ZDHHC18: variants seen among roughly 807,000 people sequenced by gnomAD.
The protein encoded by ZDHHC18 is zDHHC palmitoyltransferase 18.
In ZDHHC18, 23 loss-of-function variants were observed where a neutral mutation model predicts 37.5. The ratio of observed to expected loss-of-function variants is 0.61; its 90% CI spans 0.44 to 0.87. ZDHHC18 has a LOEUF of 0.87. Among genes scored for constraint, ZDHHC18 ranks in the 40% least tolerant of loss-of-function variants. The pLI is 0.00. For missense variants in ZDHHC18, 406 were observed against 525.6 expected (o/e 0.77, Z 2.22); for synonymous variants, 185 against 218.7 (o/e 0.85, Z 1.36).
chr1:26,846,679 C>T (rs2081667713), intron 2 of ZDHHC18, among the ~76,000 whole-genome samples: 1 of 151,906 alleles, frequency 6.6e-6, no homozygotes, highest in Non-Finnish European at 1.5e-5. Flanking sequence ...GATTATAGTA[C>T]AACTAATTCC....
intron 2 of ZDHHC18, among the ~76,000 whole-genome samples, chr1:26,846,874 T>C (rs1472582027): frequency 4.6e-5 from 7 of 151,910 alleles, no homozygotes; most frequent in African/African-American, 1.7e-4. Flanking sequence ...TCCATTATCA[T>C]ACCTAAGAAA....
chr1:26,837,342 A>G (rs906676021), intron 2 of ZDHHC18, among the ~76,000 whole-genome samples: 8 of 147,464 alleles, frequency 5.4e-5, no homozygotes, highest in African/African-American at 2.0e-4. Flanking sequence ...TGTATAATAT[A>G]TTTAACATAT....
intron 5 of ZDHHC18, 68 bp from the exon 6 acceptor site, chr1:26,851,061 T>C: frequency 1.4e-6 from 2 of 1,426,108 alleles, no homozygotes; most frequent in Non-Finnish European, 2.0e-6. Context: ...GAAGGATAGG[T>C]GAGACAGGCC....
chr1:26,852,120 C>T (rs2081707835), intron 6 of ZDHHC18, among the ~76,000 whole-genome samples: 2 of 152,226 alleles, frequency 1.3e-5, no homozygotes, highest in Admixed American at 6.5e-5. Context: ...TGCCATCAGC[C>T]AGTATCTCCC....
intron 2 of ZDHHC18, among the ~76,000 whole-genome samples, chr1:26,842,436 T>C (rs1178663691): frequency 1.3e-5 from 2 of 152,242 alleles, no homozygotes; most frequent in African/African-American, 4.8e-5. Context: ...GCTTATATGA[T>C]TTTTTAGCAA....
rs368853407 is a variant in ZDHHC18 at position 26,839,008 on chromosome 1, C to T, written c.496+6401C>T. 9.8e-5 allele frequency among the ~76,000 whole-genome samples: 15 copies of T among 152,372 alleles called. No homozygotes were observed. The East Asian group carries it at 1.3e-3, about 14-fold the overall frequency. ...TCTGCAGGTGACAACAGTGGAAGGG[C>T]AGAGGGCAGTCAGGGCCTTCTCAGC... On this transcript the variant is annotated intron_variant, in intron 2 of 7. Transcript: ENST00000374142.
intron 6 of ZDHHC18, among the ~76,000 whole-genome samples, chr1:26,852,204 A>C (rs1404099158): frequency 6.6e-6 from 1 of 152,208 alleles, no homozygotes; most frequent in Non-Finnish European, 1.5e-5. Context: ...TGGCCAAATA[A>C]GTGTAGAAAA....
At chr1:26,847,494 G>C in intron 2 of ZDHHC18, among the ~76,000 whole-genome samples, 1 of 152,210 alleles carries the variant, frequency 6.6e-6, no homozygotes, top group East Asian at 1.9e-4. Flanking sequence ...CTACAGGCAT[G>C]AGCCACTGCA....
At chr1:26,848,549 G>C (rs2081684679) in intron 2 of ZDHHC18, 59 bp from the exon 3 acceptor site, 2 of 1,578,106 alleles carry the variant, frequency 1.3e-6, no homozygotes, top group Admixed American at 1.7e-5. Context: ...TCCCCTGCTG[G>C]GGATCCGGGC....
intron 2 of ZDHHC18, among the ~76,000 whole-genome samples, chr1:26,841,731 C>T (rs886858506): frequency 6.6e-6 from 1 of 152,140 alleles, no homozygotes; most frequent in African/African-American, 2.4e-5. Context: ...GGAGCAATGT[C>T]AGTGGCTCCT....
At position 26,851,225 on chromosome 1, in the gene ZDHHC18, T is replaced by C; in HGVS notation, c.930T>C (p.Asn310=). The change falls in exon 6 of 8, where the codon AAT becomes AAC. Residue 310 remains asparagine, a synonymous_variant. Transcript: ENST00000374142. ...TCGTCGCCTCCAACCTGACTACTAA[T>C]GAAGACGTGAGTAAACCTGGAGCCA... ...TYLVASNLTT[N]EDIKGSWSSK... 2 of 1,614,102 alleles carry C rather than the reference T, an allele frequency of 1.2e-6. No homozygotes were observed. The highest frequency in any genetic ancestry group is 1.7e-6 in the Non-Finnish European group (2 of 1,179,924).
chr1:26,838,608 G>A (rs1435489737), intron 2 of ZDHHC18, among the ~76,000 whole-genome samples: 4 of 152,212 alleles, frequency 2.6e-5, no homozygotes, highest in Non-Finnish European at 5.9e-5. Flanking sequence ...CAAGGTTGAT[G>A]TCATCATTAC....
intron 7 of ZDHHC18, chr1:26,853,334 C>G (rs1394219733): frequency 1.9e-5 from 5 of 263,726 alleles, no homozygotes; most frequent in Non-Finnish European, 3.7e-5. Context: ...ACAAGTCATT[C>G]CCACACAGTC....
intron 2 of ZDHHC18, among the ~76,000 whole-genome samples, chr1:26,837,460 ATTATTTATTTAT>A (rs756559483): frequency 9.0e-5 from 13 of 144,974 alleles, no homozygotes; most frequent in South Asian, 2.1e-4. Context: ...TATTATGTAT[ATTATTTATTTAT>A]TTATTTATTT....
In ZDHHC18 at chr1:26,846,544, G is replaced by C. The variant is rs2124263523; in HGVS notation, c.497-2064G>C. On this transcript the variant is annotated intron_variant, in intron 2 of 7. Coordinates refer to ENST00000374142, the MANE Select transcript of ZDHHC18 (RefSeq NM_032283.3). Reference sequence around the variant, plus strand: ...GGGTTTCACTGTGTTAATCAGGATGGTCTCCTGACCTCATGATCCGCCTGC... The same window carrying C: ...GGGTTTCACTGTGTTAATCAGGATGCTCTCCTGACCTCATGATCCGCCTGC... 2.0e-5 allele frequency among the ~76,000 whole-genome samples: 3 copies of C among 150,350 alleles called. No individual in the cohort carries two copies. In the South Asian group the frequency reaches 6.3e-4, roughly 32 times the overall value.
chr1:26,851,460 C>T (rs951262848), intron 6 of ZDHHC18, among the ~76,000 whole-genome samples: 3 of 152,230 alleles, frequency 2.0e-5, no homozygotes, highest in Non-Finnish European at 2.9e-5. Flanking sequence ...CCCAAGGTCC[C>T]AGGTTGCTTT....
intron 2 of ZDHHC18, among the ~76,000 whole-genome samples, chr1:26,845,428 G>A (rs1035042056): frequency 9.1e-5 from 12 of 132,340 alleles, no homozygotes; most frequent in African/African-American, 3.5e-4. Flanking sequence ...CACCTCCCTG[G>A]TTCAAGTGAT....
chr1:26,849,437 C>T (rs1031579610), intron 3 of ZDHHC18, among the ~76,000 whole-genome samples: 8 of 152,326 alleles, frequency 5.3e-5, no homozygotes, highest in Middle Eastern at 6.8e-3. Context: ...GCTCATCATG[C>T]CAGCTCAGTA....
Position 26,850,999 on chromosome 1 carries a change from G to T in ZDHHC18, c.834-130G>T. The T allele has an allele frequency of 1.2e-6, 1 of 840,554 alleles. No individual in the cohort carries two copies. The highest frequency in any genetic ancestry group is 1.9e-6 in the Non-Finnish European group (1 of 517,270). The allele number at this position is 840,554 out of a possible 1,614,324, so 52.1% of individuals were successfully genotyped here. ...TGATCCTGCTAAGAAGTGGGGACTG[G>T]GCCACAGGAAGGTTCCAAAACTTCT... On this transcript the variant is annotated intron_variant, in intron 5 of 7. Transcript: ENST00000374142. The surrounding 1 kb of genome is among the most constrained non-coding windows in gnomAD (Gnocchi z 6.1).
Sources: gnomAD v4.1 joint callset for allele counts (sites outside exome capture counted in the v4.1 genomes callset) on GRCh38, gnomAD v4.1.1 for gene constraint, Gnocchi (gnomAD v3.1) non-coding constraint, MANE v1.5 for transcripts, NCBI Gene and HGNC (gene_info 2026-07-23, HGNC 2026-07-21) for gene names.